The following PRRX2 variants were observed in gnomAD, a reference collection of about 807,000 sequenced individuals.
The protein encoded by PRRX2 is paired mesoderm homeobox protein 2.
In PRRX2, 11 loss-of-function variants were observed where a neutral mutation model predicts 18.0. That is an observed-to-expected ratio of 0.61 (90% CI 0.39 to 1.01). The LOEUF is 1.01. Among genes scored for constraint, PRRX2 ranks in the 50% least tolerant of loss-of-function variants. The pLI, the probability that PRRX2 is intolerant of heterozygous loss-of-function variation, is 0.01. For missense variants in PRRX2, 387 were observed against 351.0 expected (o/e 1.10, Z -0.82); for synonymous variants, 177 against 154.8 (o/e 1.14, Z -1.06).
chr9:129,711,906 A>C (rs12685582), intron 1 of PRRX2, among the ~76,000 whole-genome samples: 22,238 of 152,056 alleles, frequency 0.15, 2,078 homozygotes, highest in East Asian at 0.35. Flanking sequence ...CTTGCTGATG[A>C]TGCCAGGCAG....
intron 1 of PRRX2, among the ~76,000 whole-genome samples, chr9:129,714,130 T>A (rs1832672785): frequency 6.7e-6 from 1 of 149,764 alleles, no homozygotes; most frequent in South Asian, 2.1e-4. Flanking sequence ...TGGTGAAACC[T>A]CATCTCTACT....
chr9:129,685,742 G>T (rs1261971103), intron 1 of PRRX2, among the ~76,000 whole-genome samples: 2 of 152,208 alleles, frequency 1.3e-5, no homozygotes, highest in East Asian at 1.9e-4. Flanking sequence ...TAGGTATTAT[G>T]CACCCAAAGA....
intron 2 of PRRX2, 63 bp downstream of exon 2, chr9:129,719,481 A>C (rs1307787139): frequency 1.6e-5 from 23 of 1,421,988 alleles, no homozygotes; most frequent in Non-Finnish European, 2.1e-5. Flanking sequence ...GCCACTGTTC[A>C]CCCGGGATTA....
At chr9:129,716,745 G>A (rs13288435) in intron 1 of PRRX2, among the ~76,000 whole-genome samples, 3,113 of 152,156 alleles carry the variant, frequency 0.02, 53 homozygotes, top group Middle Eastern at 0.078. Context: ...ATGAGCCACC[G>A]TGCCTGGCCG....
chr9:129,685,395 C>T (rs1442324862), intron 1 of PRRX2, among the ~76,000 whole-genome samples: 1 of 152,190 alleles, frequency 6.6e-6, no homozygotes, highest in Non-Finnish European at 1.5e-5. Flanking sequence ...GAGGCAGGGT[C>T]TCACTCTGTT....
In PRRX2 at chr9:129,722,224, C is replaced by G. The variant is rs763963937; in HGVS notation, c.634C>G (p.Pro212Ala). The stretch of plus-strand genomic sequence containing the variant: ...GTCTCATGTCGCCCCCAGCACAGTG[C>G]CACCCTACAGCCCTGGGAGCTCAGG... ...WTASSPYSTV[P>A]PYSPGSSGPA... is the part of the protein sequence containing the mutation. The change falls in exon 4 of 4, where the codon CCA becomes GCA. Residue 212 changes from proline (P) to alanine (A), a missense_variant. By Grantham distance (27) the Pro-to-Ala change is conservative (BLOSUM62 -1). Coordinates refer to ENST00000372469, the MANE Select transcript of PRRX2 (RefSeq NM_016307.4). 3 of 1,613,526 alleles carry G rather than the reference C, an allele frequency of 1.9e-6. No homozygotes were observed. In the South Asian group the frequency reaches 3.3e-5, roughly 18 times the overall value.
intron 1 of PRRX2, among the ~76,000 whole-genome samples, chr9:129,685,964 G>T (rs533659485): frequency 6.6e-6 from 1 of 152,206 alleles, no homozygotes; most frequent in Non-Finnish European, 1.5e-5. Flanking sequence ...TGAGGGAAGG[G>T]TTCCTACAGG....
chr9:129,704,051 TG>T (rs1408904781), intron 1 of PRRX2, among the ~76,000 whole-genome samples: 4 of 152,192 alleles, frequency 2.6e-5, no homozygotes, highest in Middle Eastern at 3.4e-3. Flanking sequence ...TGCTTTAGGG[TG>T]GGGTCTGTGG....
chr9:129,704,228 T>C (rs1832532934), intron 1 of PRRX2, among the ~76,000 whole-genome samples: 1 of 152,206 alleles, frequency 6.6e-6, no homozygotes, highest in Non-Finnish European at 1.5e-5. Context: ...AGCCTTCATA[T>C]GGGATGAATA....
At chr9:129,721,465 G>C (rs1164105998) in intron 3 of PRRX2, among the ~76,000 whole-genome samples, 1 of 152,126 alleles carries the variant, frequency 6.6e-6, no homozygotes, top group African/African-American at 2.4e-5. Context: ...ATGGTCATGT[G>C]GGGGGACAGG....
At chr9:129,672,249 G>C (rs1832109133) in intron 1 of PRRX2, among the ~76,000 whole-genome samples, 1 of 152,198 alleles carries the variant, frequency 6.6e-6, no homozygotes, top group African/African-American at 2.4e-5. Context: ...GGCCGTGGTG[G>C]GGCTGAAGGA....
intron 1 of PRRX2, among the ~76,000 whole-genome samples, chr9:129,699,197 C>A (rs573725177): frequency 6.6e-6 from 1 of 152,312 alleles, no homozygotes; most frequent in South Asian, 2.1e-4. Context: ...CCAAGGTGGG[C>A]AGATCACTTG....
intron 1 of PRRX2, among the ~76,000 whole-genome samples, chr9:129,696,247 A>G (rs1185750726): frequency 6.6e-6 from 1 of 152,152 alleles, no homozygotes; most frequent in Non-Finnish European, 1.5e-5. Flanking sequence ...AAAACAAGCC[A>G]CATACCCCTG....
intron 1 of PRRX2, chr9:129,718,748 A>G (rs1832747661): frequency 6.6e-6 from 1 of 152,482 alleles, no homozygotes; most frequent in Non-Finnish European, 1.5e-5. Context: ...CTTGACTCCC[A>G]CTGCTCTTTA....
intron 1 of PRRX2, among the ~76,000 whole-genome samples, chr9:129,691,145 T>C (rs982020667): frequency 9.2e-5 from 13 of 141,914 alleles, no homozygotes; most frequent in Non-Finnish European, 1.7e-4. Flanking sequence ...GACAACATGG[T>C]GAAACCCTGT....
At chr9:129,720,012 A>G (rs926313053) in intron 2 of PRRX2, among the ~76,000 whole-genome samples, 1 of 152,090 alleles carries the variant, frequency 6.6e-6, no homozygotes. Flanking sequence ...AAACAAACAA[A>G]TAAAAATAAA....
In PRRX2 at chr9:129,722,208, C is replaced by T. The variant is rs199615701; in HGVS notation, c.627-9C>T. On this transcript the variant is annotated splice_polypyrimidine_tract_variant and intron_variant, in intron 3 of 3. Transcript: ENST00000372469. Reference sequence around the variant, plus strand: ...CACCCATGTGACCTGTGTCTCATGTCGCCCCCAGCACAGTGCCACCCTACA... The same window carrying T: ...CACCCATGTGACCTGTGTCTCATGTTGCCCCCAGCACAGTGCCACCCTACA... The T allele has an allele frequency of 1.6e-4, 262 of 1,611,466 alleles. No individual in the cohort carries two copies. The highest frequency in any genetic ancestry group is 1.6e-3 in the East Asian group (70 of 44,850).
At chr9:129,673,629 C>T (rs1436721866) in intron 1 of PRRX2, among the ~76,000 whole-genome samples, 5 of 149,740 alleles carry the variant, frequency 3.3e-5, no homozygotes, top group Non-Finnish European at 7.4e-5. Flanking sequence ...CACAAAGACA[C>T]ACACAGACCC....
intron 1 of PRRX2, among the ~76,000 whole-genome samples, chr9:129,694,475 G>T (rs997526921): frequency 6.6e-6 from 1 of 152,202 alleles, no homozygotes; most frequent in Non-Finnish European, 1.5e-5. Context: ...ATAAGCCACC[G>T]TGTCCAGCCC....
Sources: gnomAD v4.1 joint callset for allele counts (sites outside exome capture counted in the v4.1 genomes callset) on GRCh38, gnomAD v4.1.1 for gene constraint, MANE v1.5 for transcripts, NCBI Gene and HGNC (gene_info 2026-07-23, HGNC 2026-07-21) for gene names.